Variants in ACTL6A observed in about 807,000 individuals in gnomAD.
The protein encoded by ACTL6A is actin like 6A, also known as actin-like protein 6A.
A neutral mutation model predicts 59.2 loss-of-function variants in ACTL6A; 5 were observed. The ratio of observed to expected loss-of-function variants is 0.08; its 90% CI spans 0.04 to 0.18. The LOEUF is 0.18. Among genes scored for constraint, ACTL6A ranks in the 10% least tolerant of loss-of-function variants. ACTL6A has a pLI of 1.00. For missense variants in ACTL6A, 285 were observed against 526.9 expected (o/e 0.54, Z 4.49); for synonymous variants, 154 against 171.8 (o/e 0.90, Z 0.81).
At chr3:179,564,198 G>A (rs1717762575) in intron 1 of ACTL6A, among the ~76,000 whole-genome samples, 1 of 152,126 alleles carries the variant, frequency 6.6e-6, no homozygotes, top group African/African-American at 2.4e-5. Flanking sequence ...TCATGTGTTG[G>A]GTTGTGTTTG....
rs71628083 is a variant in ACTL6A, at chr3:179,572,982, C to CTTT, written c.278-373_278-371dup. On this transcript the variant is annotated intron_variant, in intron 3 of 13. Coordinates refer to ENST00000429709, the MANE Select transcript of ACTL6A (RefSeq NM_004301.5). ...TCGGGTCTAGACCATACAATTCTTTCTTTTTTTTTTTTTTTTATAAATCCA... is the reference window on the plus strand; with the variant it reads ...TCGGGTCTAGACCATACAATTCTTTCTTTTTTTTTTTTTTTTTTTATAAATCCA... 1.5e-3 allele frequency among the ~76,000 whole-genome samples: 212 copies of CTTT among 138,806 alleles called. 5 individuals carry two copies. The highest frequency in any genetic ancestry group is 9.0e-3 in the South Asian group (40 of 4,464). The allele number at this position is 138,806 out of a possible 152,430, so 91.1% of individuals were successfully genotyped here.
intron 4 of ACTL6A, among the ~76,000 whole-genome samples, chr3:179,574,112 A>G (rs1474545965): frequency 6.6e-6 from 1 of 152,184 alleles, no homozygotes; most frequent in African/African-American, 2.4e-5. Flanking sequence ...CATATGTGGA[A>G]AAGTCAGGAG....
intron 1 of ACTL6A, 115 bp downstream of exon 1, chr3:179,563,232 C>T (rs916147461): frequency 6.9e-6 from 10 of 1,458,018 alleles, no homozygotes; most frequent in Non-Finnish European, 9.1e-6. Flanking sequence ...CTCTCGGGAC[C>T]CCGGCCTCCC....
At chr3:179,566,640 C>T (rs920179665) in intron 1 of ACTL6A, among the ~76,000 whole-genome samples, 1 of 152,160 alleles carries the variant, frequency 6.6e-6, no homozygotes, top group African/African-American at 2.4e-5. Context: ...CTTCACATGG[C>T]CGTCCCTCTG....
intron 8 of ACTL6A, among the ~76,000 whole-genome samples, 169 bp downstream of exon 8, chr3:179,577,082 A>G (rs1280528435): frequency 6.6e-6 from 1 of 152,084 alleles, no homozygotes; most frequent in African/African-American, 2.4e-5. Context: ...ATAGAACATG[A>G]TCTCAGGGTC....
intron 5 of ACTL6A, chr3:179,575,195 C>T: frequency 2.8e-6 from 1 of 355,722 alleles, no homozygotes; most frequent in Non-Finnish European, 5.5e-6. Context: ...TCGTCTTCTA[C>T]ATTTCTTCCT....
Position 179,562,931 on chromosome 3 carries a change from T to C in ACTL6A, c.-162T>C, listed in dbSNP as rs1315348877. ...GGCTGATAGGAGGAGCCAGCAAGTG[T>C]GGCTGAGCTCCGGGGTGTGTGGACG... On this transcript the variant is annotated 5_prime_UTR_variant, in exon 1 of 14. Transcript: ENST00000429709. The C allele has an allele frequency of 2.3e-6, 2 of 851,122 alleles. No individual in the cohort carries two copies. Among genetic ancestry groups the C allele is most frequent in the Non-Finnish European group, 3.8e-6 (2 of 522,106 alleles). 52.7% of individuals were successfully genotyped at this position (851,122 alleles called of 1,614,324 possible). A position where few individuals can be genotyped will look rare whatever the true frequency, so the allele number is the denominator to read the frequency against.
At position 179,562,969 on chromosome 3, in the gene ACTL6A, C is replaced by A; in HGVS notation, c.-124C>A. ...GGGTGTGTGGACGCCGCTTTGTTGCCTGAGGTGGGTGGCGGTGGAAGTTAA... is the reference window on the plus strand; with the variant it reads ...GGGTGTGTGGACGCCGCTTTGTTGCATGAGGTGGGTGGCGGTGGAAGTTAA... On this transcript the variant is annotated 5_prime_UTR_variant, in exon 1 of 14. It adds an upstream start codon to the 5' untranslated region. Transcript: ENST00000429709. 7.5e-7 allele frequency: 1 copy of A among 1,326,090 alleles called. No homozygotes were observed. Among genetic ancestry groups the A allele is most frequent in the Non-Finnish European group, 1.0e-6 (1 of 952,404 alleles). 82.1% of individuals were successfully genotyped at this position (1,326,090 alleles called of 1,614,324 possible).
chr3:179,578,818 C>T lies in ACTL6A; in HGVS notation c.769-1822C>T, dbSNP rs529510615. Among the ~76,000 whole-genome samples the T allele has an allele frequency of 2.0e-3, 306 of 152,124 alleles. 1 individual carries two copies. The highest frequency in any genetic ancestry group is 3.3e-3 in the Non-Finnish European group (223 of 67,990). ...TCTTGCTTTGTCACCCAGGCTGGAGCGCAGTGGTGCAGTCTCGGCTCACTG... is the reference window on the plus strand; with the variant it reads ...TCTTGCTTTGTCACCCAGGCTGGAGTGCAGTGGTGCAGTCTCGGCTCACTG... On this transcript the variant is annotated intron_variant, in intron 8 of 13. Transcript: ENST00000429709.
chr3:179,579,430 T>A (rs188312423), intron 8 of ACTL6A, among the ~76,000 whole-genome samples: 15 of 150,524 alleles, frequency 1.0e-4, no homozygotes, highest in Middle Eastern at 3.4e-3. Flanking sequence ...ACAGGTTTTT[T>A]AAAAATTATT....
intron 4 of ACTL6A, 102 bp downstream of exon 4, chr3:179,573,571 A>G (rs1382375939): frequency 1.1e-5 from 8 of 757,652 alleles, no homozygotes; most frequent in Non-Finnish European, 1.2e-5. Flanking sequence ...TTTTCTTTAA[A>G]GAGGCATAGA....
At chr3:179,569,117 G>T (rs1717924930) in intron 1 of ACTL6A, among the ~76,000 whole-genome samples, 1 of 152,182 alleles carries the variant, frequency 6.6e-6, no homozygotes, top group South Asian at 2.1e-4. Flanking sequence ...CACCCTAGTT[G>T]ATGGTGGAGG....
At chr3:179,574,648 A>C (rs1718111958) in intron 5 of ACTL6A, 181 bp downstream of exon 5, 2 of 549,716 alleles carry the variant, frequency 3.6e-6, no homozygotes, top group Non-Finnish European at 3.3e-6. Flanking sequence ...ATACACCAGA[A>C]GGTATGAGGG....
chr3:179,581,363 G>T, intron 11 of ACTL6A, 143 bp downstream of exon 11: 1 of 695,142 alleles, frequency 1.4e-6, no homozygotes. Context: ...TATGTAAAAA[G>T]ATGAAGTACT....
At chr3:179,565,339 A>G (rs1268947135) in intron 1 of ACTL6A, among the ~76,000 whole-genome samples, 2 of 151,868 alleles carry the variant, frequency 1.3e-5, no homozygotes. Context: ...GGGGAGGCCG[A>G]GGCACAAGAA....
At position 179,570,195 on chromosome 3, in the gene ACTL6A, T is replaced by G; in HGVS notation, c.231T>G (p.Val77=). The G allele has an allele frequency of 1.2e-6, 2 of 1,613,804 alleles. No homozygotes were observed. Among genetic ancestry groups the G allele is most frequent in the Non-Finnish European group, 1.7e-6 (2 of 1,179,958 alleles). The part of the protein sequence containing the change: ...TYYIDTNALR[V]PRENMEAISP... Reference sequence around the variant, plus strand: ...ACATAGATACTAATGCTCTGCGTGTTCCGAGGGAGAATATGGAGGCCATTT... The same window carrying G: ...ACATAGATACTAATGCTCTGCGTGTGCCGAGGGAGAATATGGAGGCCATTT... Residue 77 remains valine, a synonymous_variant, in exon 3 of 14, where the codon GTT becomes GTG. Transcript: ENST00000429709. This position sits in a 1 kb window ranked among gnomAD's most constrained non-coding sequence, Gnocchi z 4.3.
chr3:179,568,459 C>T (rs966471556), intron 1 of ACTL6A, among the ~76,000 whole-genome samples: 13 of 151,330 alleles, frequency 8.6e-5, no homozygotes, highest in African/African-American at 3.2e-4. Context: ...CTCTCTCTCC[C>T]TTCTTCAGTT....
rs931642213 is a variant in ACTL6A at position 179,588,107 on chromosome 3, A to G, written c.*97A>G. 68 of 927,026 alleles carry G rather than the reference A, an allele frequency of 7.3e-5. No individual in the cohort carries two copies. The Admixed American group carries it at 2.4e-3, about 33-fold the overall frequency. The allele number at this position is 927,026 out of a possible 1,614,324, so 57.4% of individuals were successfully genotyped here. On this transcript the variant is annotated 3_prime_UTR_variant, in exon 14 of 14. Transcript: ENST00000429709. ...AATGACCATCTTTTGTAGAATGTTT[A>G]TACATTTTTGCATATTTCAATTTCC...
At chr3:179,565,109 C>G (rs1442315322) in intron 1 of ACTL6A, among the ~76,000 whole-genome samples, 2 of 151,936 alleles carry the variant, frequency 1.3e-5, no homozygotes, top group African/African-American at 4.8e-5. Flanking sequence ...TTATATTGAT[C>G]AGAAATGGTA....
Sources: gnomAD v4.1 joint callset for allele counts (sites outside exome capture counted in the v4.1 genomes callset) on GRCh38, gnomAD v4.1.1 for gene constraint, Gnocchi (gnomAD v3.1) non-coding constraint, MANE v1.5 for transcripts, NCBI Gene and HGNC (gene_info 2026-07-23, HGNC 2026-07-21) for gene names.